Variants in MTHFD1L observed in about 807,000 individuals in gnomAD.
MTHFD1L encodes the protein monofunctional C1-tetrahydrofolate synthase, mitochondrial.
MTHFD1L carries 81 observed loss-of-function variants against 119.5 expected under a neutral mutation model. The ratio of observed to expected loss-of-function variants is 0.68; its 90% CI spans 0.57 to 0.82. The LOEUF (loss-of-function observed/expected upper bound fraction) is 0.82, where lower values mean the gene tolerates loss of function less well. MTHFD1L is among the 40% of genes least tolerant of loss of function. The pLI, the probability that MTHFD1L is intolerant of heterozygous loss-of-function variation, is 0.00. For missense variants in MTHFD1L, 1,125 were observed against 1,253.4 expected, an observed-to-expected ratio of 0.90 and a Z score of 1.55; for synonymous variants, 430 against 475.2, an observed-to-expected ratio of 0.90 and a Z score of 1.24.
chr6:151,080,736 G>A (rs1414043480), intron 26 of MTHFD1L, among the ~76,000 whole-genome samples: 3 of 152,212 alleles, frequency 2.0e-5, no homozygotes, highest in African/African-American at 7.2e-5. Flanking sequence ...AGATCAGGGT[G>A]CTGGCAGGGC....
intron 7 of MTHFD1L, among the ~76,000 whole-genome samples, chr6:150,902,783 C>A (rs890684277): frequency 1.3e-5 from 2 of 152,146 alleles, no homozygotes; most frequent in Admixed American, 1.3e-4. Context: ...ATCAAAGACA[C>A]CACGTGTAGG....
chr6:150,933,283 A>G (rs1470009737), intron 11 of MTHFD1L, among the ~76,000 whole-genome samples: 1 of 152,132 alleles, frequency 6.6e-6, no homozygotes, highest in African/African-American at 2.4e-5. Flanking sequence ...CAGTTTAGGT[A>G]AACCACTTAG....
intron 25 of MTHFD1L, 29 bp downstream of exon 25, chr6:151,034,629 A>C (rs1785867300): frequency 7.0e-7 from 1 of 1,431,120 alleles, no homozygotes; most frequent in Non-Finnish European, 9.8e-7. Context: ...GGGGAAAAGA[A>C]AAAATTCACC....
chr6:150,925,281 T>C (rs1417926763), intron 10 of MTHFD1L, among the ~76,000 whole-genome samples: 1 of 152,196 alleles, frequency 6.6e-6, no homozygotes, highest in African/African-American at 2.4e-5. Context: ...TTAGTCTTGC[T>C]GCTGGGGGAA....
At chr6:151,004,291 C>T (rs1277588463) in intron 20 of MTHFD1L, among the ~76,000 whole-genome samples, 1 of 152,084 alleles carries the variant, frequency 6.6e-6, no homozygotes, top group Non-Finnish European at 1.5e-5. Flanking sequence ...CACCACTGCA[C>T]TCCAGCCTGG....
rs745381561 is a variant in MTHFD1L, at chr6:151,013,842, C to T, written c.2307+22C>T. ...GGAGGTAAGAGGAGCTGTTTAGATG[C>T]TTATGTGAAGAATCTCTTAAATCCA... On this transcript the variant is annotated intron_variant, in intron 22 of 27. Transcript: ENST00000367321. 1.4e-5 allele frequency: 22 copies of T among 1,600,372 alleles called. No individual in the cohort carries two copies. The Admixed American group carries it at 2.4e-4, about 17-fold the overall frequency.
chr6:150,987,926 C>A (rs192866726), intron 20 of MTHFD1L, among the ~76,000 whole-genome samples: 10 of 152,124 alleles, frequency 6.6e-5, no homozygotes, highest in Non-Finnish European at 1.3e-4. Flanking sequence ...AAAGGTAAAA[C>A]GTTTTGGAAG....
At chr6:150,943,770 A>G (rs1449571502) in intron 13 of MTHFD1L, among the ~76,000 whole-genome samples, 2 of 152,230 alleles carry the variant, frequency 1.3e-5, no homozygotes, top group Non-Finnish European at 2.9e-5. Context: ...TCTACAAATG[A>G]TAATCGAGTG....
Position 150,918,581 on chromosome 6 carries a change from G to A in MTHFD1L, c.897G>A (p.Lys299=). ...TTTCCCTCCAATTTTTTACAGGGAA[G>A]GTTGGGTGTGGCTCTCCAAGAATAC... ...LNCSHDFLSG[K]VGCGSPRIHF... Residue 299 remains lysine, a synonymous_variant, in exon 9 of 28, where the codon AAG becomes AAA. Transcript: ENST00000367321. The A allele has an allele frequency of 1.9e-6, 3 of 1,613,110 alleles. No individual in the cohort carries two copies. The highest frequency in any genetic ancestry group is 2.5e-6 in the Non-Finnish European group (3 of 1,179,086).
In MTHFD1L at chr6:150,879,818, G is replaced by A. The variant is rs957683568; in HGVS notation, c.417+1992G>A. Among the ~76,000 whole-genome samples the A allele has an allele frequency of 1.6e-4, 24 of 151,128 alleles. No individual in the cohort carries two copies. In the East Asian group the frequency reaches 3.9e-3, roughly 25 times the overall value. ...CTAATTTTTGCATTTTTGTAGAGAC[G>A]GGGTTTCACCATGTTAGCCAGGCCG... On this transcript the variant is annotated intron_variant, in intron 4 of 27. Transcript: ENST00000367321.
Position 150,866,176 on chromosome 6 carries a change from G to C in MTHFD1L, c.227+127G>C, listed in dbSNP as rs990421379. 388 of 1,371,644 alleles carry C rather than the reference G, an allele frequency of 2.8e-4. 1 individual carries two copies. The East Asian group carries it at 7.6e-3, about 27-fold the overall frequency. 85.0% of individuals were successfully genotyped at this position (1,371,644 alleles called of 1,614,324 possible). On this transcript the variant is annotated intron_variant, in intron 1 of 27. Coordinates refer to ENST00000367321, the MANE Select transcript of MTHFD1L (RefSeq NM_015440.5). ...CGAGTGTTTGGTGCCAACTCATTAG[G>C]GGGGCCGGGCGGTGTGTCGGGAAAC...
chr6:150,918,519 A>G, intron 8 of MTHFD1L, 58 bp from the exon 9 acceptor site: 1 of 1,167,746 alleles, frequency 8.6e-7, no homozygotes, highest in Non-Finnish European at 1.3e-6. Context: ...TACAAGGAGC[A>G]ATTGGTTAGA....
At chr6:151,100,512 CAG>C (rs1795285060) in intron 27 of MTHFD1L, among the ~76,000 whole-genome samples, 1 of 152,092 alleles carries the variant, frequency 6.6e-6, no homozygotes, top group Admixed American at 6.6e-5. Context: ...AGGATTTCAG[CAG>C]AGTTTGCACT....
intron 26 of MTHFD1L, among the ~76,000 whole-genome samples, chr6:151,069,251 T>TTCTCTCTC (rs371324778): frequency 0.19 from 25,267 of 136,418 alleles, 2,499 homozygotes; most frequent in Middle Eastern, 0.29. Context: ...TTCTCTCTCT[T>TTCTCTCTC]TCTCTCTCTC....
At chr6:150,867,265 C>A (rs1283331867) in intron 1 of MTHFD1L, among the ~76,000 whole-genome samples, 2 of 152,154 alleles carry the variant, frequency 1.3e-5, no homozygotes, top group Non-Finnish European at 2.9e-5. Flanking sequence ...CATCTCGGCT[C>A]AATGCAGCCT....
At chr6:151,064,031 C>T (rs911928405) in intron 26 of MTHFD1L, among the ~76,000 whole-genome samples, 2 of 152,002 alleles carry the variant, frequency 1.3e-5, no homozygotes, top group Admixed American at 1.3e-4. Flanking sequence ...CTACTGGGAC[C>T]AGGCCACTCC....
At position 150,931,003 on chromosome 6, in the gene MTHFD1L, A is replaced by G. The variant is rs1024107547; in HGVS notation, c.1256+4708A>G. Among the ~76,000 whole-genome samples the G allele has an allele frequency of 7.9e-5, 12 of 152,346 alleles. No homozygotes were observed. In the East Asian group the frequency reaches 1.5e-3, roughly 20 times the overall value. On this transcript the variant is annotated intron_variant, in intron 11 of 27. Coordinates refer to ENST00000367321, the MANE Select transcript of MTHFD1L (RefSeq NM_015440.5). ...TGGGAATTGTTCAGGGAAATATGCC[A>G]AAAGAATCTTAGGGACTCATGAGTT...
At chr6:150,955,911 TC>T in intron 16 of MTHFD1L, 83 bp from the exon 17 acceptor site, 1 of 1,209,686 alleles carries the variant, frequency 8.3e-7, no homozygotes, top group Non-Finnish European at 1.2e-6. Flanking sequence ...CTCTGCAACT[TC>T]CTGAGCATCA....
At chr6:150,905,909 T>A (rs1283077441) in intron 8 of MTHFD1L, 148 bp downstream of exon 8, 6 of 638,500 alleles carry the variant, frequency 9.4e-6, no homozygotes, top group Non-Finnish European at 8.2e-6. Context: ...GTGGGCTACC[T>A]GATAGAACCA....
Sources: allele counts gnomAD v4.1 joint callset (sites outside exome capture counted in the v4.1 genomes callset), GRCh38; gene constraint gnomAD v4.1.1; transcripts MANE v1.5; gene names NCBI Gene and HGNC (gene_info 2026-07-23, HGNC 2026-07-21).